Variants in EPB41L3 observed in about 807,000 individuals in gnomAD.
EPB41L3 encodes erythrocyte membrane protein band 4.1 like 3.
In EPB41L3, 57 loss-of-function variants were observed where a neutral mutation model predicts 127.1. That is an observed-to-expected ratio of 0.45 (90% CI 0.36 to 0.56). The LOEUF is 0.56. Among genes scored for constraint, EPB41L3 ranks in the 20% least tolerant of loss-of-function variants. EPB41L3 has a pLI of 0.00. For synonymous variants in EPB41L3, 572 were observed against 549.5 expected (o/e 1.04, Z -0.57); for missense variants, 1,273 against 1,372.2 (o/e 0.93, Z 1.14).
intron 8 of EPB41L3, among the ~76,000 whole-genome samples, chr18:5,432,918 T>C (rs2079193135): frequency 6.6e-6 from 1 of 152,216 alleles, no homozygotes; most frequent in Admixed American, 6.5e-5. Flanking sequence ...AAATTCAATA[T>C]GAATTTACTG....
intron 3 of EPB41L3, among the ~76,000 whole-genome samples, chr18:5,556,263 A>G (rs1178198622): frequency 1.3e-5 from 2 of 151,330 alleles, no homozygotes; most frequent in Non-Finnish European, 2.9e-5. Context: ...ACAAAAAGAC[A>G]GAAAATCAAC....
chr18:5,482,728 A>G (rs1044888993), intron 2 of EPB41L3, among the ~76,000 whole-genome samples: 1 of 152,200 alleles, frequency 6.6e-6, no homozygotes, highest in Admixed American at 6.5e-5. Context: ...AAAGAAAAAA[A>G]CTGTCATCTA....
At chr18:5,422,760 T>C (rs570155790) in intron 11 of EPB41L3, among the ~76,000 whole-genome samples, 5 of 152,332 alleles carry the variant, frequency 3.3e-5, no homozygotes, top group South Asian at 4.1e-4. Context: ...AAAGGTAGTT[T>C]GAATGATCAT....
intron 3 of EPB41L3, among the ~76,000 whole-genome samples, chr18:5,559,023 G>A (rs967476971): frequency 1.3e-5 from 2 of 152,122 alleles, no homozygotes; most frequent in African/African-American, 4.8e-5. Flanking sequence ...CTAAAGTGAA[G>A]TGTCCAGGAC....
chr18:5,475,116 C>A (rs1304025490), intron 3 of EPB41L3, among the ~76,000 whole-genome samples: 1 of 152,164 alleles, frequency 6.6e-6, no homozygotes, highest in Non-Finnish European at 1.5e-5. Context: ...TCCTATTTCT[C>A]TAACCATTCC....
At chr18:5,460,606 TGA>T (rs1366827789) in intron 3 of EPB41L3, among the ~76,000 whole-genome samples, 1 of 152,236 alleles carries the variant, frequency 6.6e-6, no homozygotes, top group Non-Finnish European at 1.5e-5. Context: ...AAGGTTTGCT[TGA>T]GAGGAAGAAC....
At chr18:5,552,638 G>A (rs2093981707) in intron 3 of EPB41L3, among the ~76,000 whole-genome samples, 1 of 152,278 alleles carries the variant, frequency 6.6e-6, no homozygotes, top group East Asian at 1.9e-4. Flanking sequence ...GCCTGGCCCA[G>A]GGATCTGTTT....
At chr18:5,399,021 C>T in intron 16 of EPB41L3, 1 of 399,192 alleles carries the variant, frequency 2.5e-6, no homozygotes, top group Non-Finnish European at 4.4e-6. Context: ...TTCTGCCAGG[C>T]CGGGAATGAT....
chr18:5,499,829 G>GTATATATATA (rs35194563), intron 1 of EPB41L3, among the ~76,000 whole-genome samples: 30 of 124,664 alleles, frequency 2.4e-4, no homozygotes, highest in African/African-American at 7.8e-4. Flanking sequence ...CTATGTGTGT[G>GTATATATATA]TATATATATA....
At chr18:5,544,372 C>G, upstream of EPB41L3, 1 of 964,874 alleles carries the variant, frequency 1.0e-6, no homozygotes, top group Non-Finnish European at 1.2e-6. Context: ...TGTTCCTGAC[C>G]TTCAGGTGAG....
chr18:5,462,962 G>A (rs911871015), intron 3 of EPB41L3, among the ~76,000 whole-genome samples: 5 of 152,124 alleles, frequency 3.3e-5, no homozygotes, highest in African/African-American at 1.2e-4. Context: ...TCCATTGGTA[G>A]TACAACTCTC....
intron 3 of EPB41L3, chr18:5,570,329 T>C (rs1023344555): frequency 2.0e-5 from 3 of 152,188 alleles, no homozygotes; most frequent in African/African-American, 7.2e-5. Context: ...AACATCTATT[T>C]TGGCTGTTCA....
intron 5 of EPB41L3, among the ~76,000 whole-genome samples, chr18:5,440,194 A>C (rs1222816143): frequency 6.6e-6 from 1 of 152,154 alleles, no homozygotes; most frequent in Non-Finnish European, 1.5e-5. Flanking sequence ...TTATGTTTCT[A>C]ATAATAAAAA....
chr18:5,588,964 T>C (rs1241463772), intron 3 of EPB41L3, among the ~76,000 whole-genome samples: 1 of 147,088 alleles, frequency 6.8e-6, no homozygotes, highest in African/African-American at 2.5e-5. Flanking sequence ...AAAAAAAAAA[T>C]GATTACTCTG....
intron 1 of EPB41L3, among the ~76,000 whole-genome samples, chr18:5,517,109 C>A (rs558667516): frequency 5.9e-5 from 9 of 152,198 alleles, no homozygotes; most frequent in South Asian, 4.1e-4. Context: ...TCTGTTCATG[C>A]GTCTATCACT....
intron 16 of EPB41L3, among the ~76,000 whole-genome samples, chr18:5,402,676 G>A (rs1306188140): frequency 6.6e-6 from 1 of 152,012 alleles, no homozygotes; most frequent in African/African-American, 2.4e-5. Context: ...ATAAAGAAAA[G>A]GTGATCTAAA....
chr18:5,395,752 T>G (rs757007794), intron 19 of EPB41L3, 45 bp from the exon 20 acceptor site: 1 of 1,485,138 alleles, frequency 6.7e-7, no homozygotes, highest in Non-Finnish European at 9.4e-7. Context: ...TGCTCACATC[T>G]GCTCTTCAGA....
upstream of EPB41L3, among the ~76,000 whole-genome samples, chr18:5,545,168 C>G (rs75833088): frequency 2.4e-3 from 363 of 152,210 alleles, 9 homozygotes; most frequent in East Asian, 0.061. Flanking sequence ...AGCTCTAGTC[C>G]TCGTGTTGTA....
intron 1 of EPB41L3, chr18:5,521,170 T>C (rs1598592220): frequency 6.6e-6 from 1 of 152,240 alleles, no homozygotes; most frequent in East Asian, 1.9e-4. Context: ...ACTAGTCTGG[T>C]ATAGAAACTA....
Sources: gnomAD v4.1 joint callset for allele counts (sites outside exome capture counted in the v4.1 genomes callset) on GRCh38, gnomAD v4.1.1 for gene constraint, MANE v1.5 for transcripts, NCBI Gene and HGNC (gene_info 2026-07-23, HGNC 2026-07-21) for gene names.